Variants in UHRF1 observed in about 807,000 individuals in gnomAD.
UHRF1 encodes the protein ubiquitin like with PHD and ring finger domains 1.
In UHRF1, 9 loss-of-function variants were observed where a neutral mutation model predicts 96.5. The ratio of observed to expected loss-of-function variants is 0.09; its 90% CI spans 0.06 to 0.16. UHRF1 has a LOEUF of 0.16. Among genes scored for constraint, UHRF1 ranks in the 10% least tolerant of loss-of-function variants. The pLI, the probability that UHRF1 is intolerant of heterozygous loss-of-function variation, is 1.00. For missense variants in UHRF1, 626 were observed against 1,131.1 expected, an observed-to-expected ratio of 0.55 and a Z score of 6.40; for synonymous variants, 455 against 469.9, an observed-to-expected ratio of 0.97 and a Z score of 0.41.
At chr19:4,916,649 G>A (rs886274563) in intron 2 of UHRF1, among the ~76,000 whole-genome samples, 9 of 152,006 alleles carry the variant, frequency 5.9e-5, no homozygotes, top group African/African-American at 1.9e-4. Context: ...CGCCACCGCC[G>A]CCCCCTCTTG....
chr19:4,940,796 C>CT (rs1279024256), intron 5 of UHRF1, among the ~76,000 whole-genome samples: 7 of 151,918 alleles, frequency 4.6e-5, no homozygotes, highest in Admixed American at 3.9e-4. Flanking sequence ...CCTCAGCCTC[C>CT]TGGGTAGCTG....
chr19:4,956,463 C>A (rs186485259), intron 15 of UHRF1, among the ~76,000 whole-genome samples: 3 of 152,232 alleles, frequency 2.0e-5, no homozygotes, highest in Non-Finnish European at 2.9e-5. Context: ...TTGAGGCTGG[C>A]GCCCTTGTAC....
At position 4,941,691 on chromosome 19, in the gene UHRF1, C is replaced by T. The variant is rs1199230513; in HGVS notation, c.887-54C>T. ...GGGCACGGGGCGGGGGCTCTTGTCC[C>T]GTCTCTGGCTTGGCCGGGCCCCGCC... On this transcript the variant is annotated intron_variant, in intron 6 of 16. Coordinates refer to ENST00000650932, the MANE Select transcript of UHRF1 (RefSeq NM_001048201.3). The T allele has an allele frequency of 1.4e-5, 22 of 1,570,298 alleles. No individual in the cohort carries two copies. In the Admixed American group the frequency reaches 2.1e-4, roughly 15 times the overall value.
In UHRF1 at chr19:4,941,602, G is replaced by C. The variant is rs771575365; in HGVS notation, c.860G>C (p.Ser287Thr). The change falls in exon 6 of 17, where the codon AGC becomes ACC. Residue 287 changes from serine (S) to threonine (T), a missense_variant. Ser to Thr is a moderately conservative substitution (Grantham distance 58, BLOSUM62 1). Transcript: ENST00000650932. ...VFKIERPGEG[S>T]PMVDNPMRRK... Reference sequence around the variant, plus strand: ...AAGATTGAGCGGCCGGGTGAAGGGAGCCCCATGGTTGACAACCCCATGAGA... The same window carrying C: ...AAGATTGAGCGGCCGGGTGAAGGGACCCCCATGGTTGACAACCCCATGAGA... The C allele has an allele frequency of 4.3e-6, 7 of 1,613,568 alleles. No homozygotes were observed. In the African/African-American group the frequency reaches 9.3e-5, roughly 22 times the overall value.
chr19:4,919,838 A>T (rs979836828), intron 2 of UHRF1, among the ~76,000 whole-genome samples: 1 of 150,250 alleles, frequency 6.7e-6, no homozygotes, highest in Admixed American at 6.6e-5. Flanking sequence ...TTTTTTTGAG[A>T]CAGAGTTTTG....
intron 5 of UHRF1, among the ~76,000 whole-genome samples, chr19:4,937,316 C>A (rs1419144817): frequency 4.0e-5 from 4 of 99,532 alleles, no homozygotes; most frequent in Non-Finnish European, 4.1e-5. Flanking sequence ...TTTTTTTTAA[C>A]GACCCATTGG....
rs112693244 is a variant in UHRF1, at chr19:4,925,019, G to A, written c.154-4203G>A. Among the ~76,000 whole-genome samples the A allele has an allele frequency of 4.5e-3, 684 of 152,002 alleles. 7 individuals carry two copies. The highest frequency in any genetic ancestry group is 0.015 in the African/African-American group (633 of 41,460). ...TTTTTGTATTTTTAGTAGAGACGAG[G>A]TTTCACCATGTTGGCCAGGCTGGTC... On this transcript the variant is annotated intron_variant, in intron 2 of 16. Coordinates refer to ENST00000650932, the MANE Select transcript of UHRF1 (RefSeq NM_001048201.3).
intron 11 of UHRF1, among the ~76,000 whole-genome samples, chr19:4,947,447 G>C (rs1350514845): frequency 7.0e-6 from 1 of 142,150 alleles, no homozygotes; most frequent in Non-Finnish European, 1.5e-5. Context: ...CCATTCAGAT[G>C]GATGAAAGCA....
chr19:4,928,332 G>C (rs887469914), intron 2 of UHRF1, among the ~76,000 whole-genome samples: 9 of 152,084 alleles, frequency 5.9e-5, no homozygotes, highest in Middle Eastern at 3.4e-3. Flanking sequence ...CATCAGGAGG[G>C]GGGGGTCCTA....
rs972803243 is a variant in UHRF1, at chr19:4,962,129, C to T, written c.*1326C>T. On this transcript the variant is annotated 3_prime_UTR_variant, in exon 17 of 17. Coordinates refer to ENST00000650932, the MANE Select transcript of UHRF1 (RefSeq NM_001048201.3). ...GTACTTTGTCCAGATTTTAGATTCT[C>T]AGAATAAATGTTTTTCACAGATAGA... The T allele has an allele frequency of 2.0e-5, 3 of 151,630 alleles. No homozygotes were observed. The highest frequency in any genetic ancestry group is 4.4e-5 in the Non-Finnish European group (3 of 67,872). The allele number at this position is 151,630 out of a possible 1,614,324, so 9.4% of individuals were successfully genotyped here.
rs751817149 is a variant in UHRF1 at position 4,944,414 on chromosome 19, G to T, written c.1269G>T (p.Gly423=). 1 of 1,614,042 alleles carries T rather than the reference G, an allele frequency of 6.2e-7. No homozygotes were observed. The highest frequency in any genetic ancestry group is 1.1e-5 in the South Asian group (1 of 91,092). The change falls in exon 9 of 17, where the codon GGG becomes GGT. Residue 423 remains glycine, a synonymous_variant. Transcript: ENST00000650932. The part of the protein sequence containing the change: ...VPSNHYGPIP[G]IPVGTMWRFR... ...CCAACCACTACGGACCCATCCCGGG[G>T]ATCCCCGTGGGCACCATGTGGCGGT...
chr19:4,921,319 A>G (rs2032696296), intron 2 of UHRF1, among the ~76,000 whole-genome samples: 1 of 142,738 alleles, frequency 7.0e-6, no homozygotes, highest in Non-Finnish European at 1.5e-5. Context: ...CATGTCTGTC[A>G]TCGCAGCTAC....
chr19:4,928,399 A>G (rs2032939841), intron 2 of UHRF1, among the ~76,000 whole-genome samples: 1 of 151,876 alleles, frequency 6.6e-6, no homozygotes, highest in Admixed American at 6.6e-5. Flanking sequence ...GTGAAGGGGC[A>G]GCTTCTGACA....
intron 5 of UHRF1, among the ~76,000 whole-genome samples, chr19:4,938,730 G>GGTT (rs1568421924): frequency 8.1e-5 from 5 of 61,566 alleles, no homozygotes; most frequent in Non-Finnish European, 1.5e-4. Context: ...TTTTGGTCAG[G>GGTT]TTTTTTTTTT....
chr19:4,918,645 C>T (rs1383762492), intron 2 of UHRF1, among the ~76,000 whole-genome samples: 1 of 151,486 alleles, frequency 6.6e-6, no homozygotes, highest in Non-Finnish European at 1.5e-5. Flanking sequence ...AACTCCTGAC[C>T]TCCAGTTATC....
intron 2 of UHRF1, among the ~76,000 whole-genome samples, chr19:4,920,644 C>T (rs1161480599): frequency 6.6e-6 from 1 of 152,164 alleles, no homozygotes; most frequent in East Asian, 1.9e-4. Context: ...ACCCCAAACT[C>T]CTGGGCTCCC....
intron 11 of UHRF1, among the ~76,000 whole-genome samples, chr19:4,949,254 A>G (rs11672626): frequency 0.23 from 35,082 of 152,174 alleles, 4,613 homozygotes; most frequent in East Asian, 0.65. Flanking sequence ...AAATGTTGAC[A>G]TAGGTCAGGG....
chr19:4,933,467 G>A (rs1192736842), intron 5 of UHRF1, among the ~76,000 whole-genome samples: 2 of 152,106 alleles, frequency 1.3e-5, no homozygotes, highest in African/African-American at 2.4e-5. Context: ...GCCTGCCTCG[G>A]CCTCCCAAAG....
At chr19:4,924,695 C>T (rs988273130) in intron 2 of UHRF1, among the ~76,000 whole-genome samples, 4 of 152,112 alleles carry the variant, frequency 2.6e-5, no homozygotes, top group Non-Finnish European at 5.9e-5. Flanking sequence ...ACAGGCATAG[C>T]CGCCCCCACT....
Sources: gnomAD v4.1 joint callset for allele counts (sites outside exome capture counted in the v4.1 genomes callset) on GRCh38, gnomAD v4.1.1 for gene constraint, MANE v1.5 for transcripts, NCBI Gene and HGNC (gene_info 2026-07-23, HGNC 2026-07-21) for gene names.